The following LHFPL3 variants were observed in gnomAD, a reference collection of about 807,000 sequenced individuals.
LHFPL3 encodes LHFPL tetraspan subfamily member 3.
A neutral mutation model predicts 19.3 loss-of-function variants in LHFPL3; 5 were observed. That is an observed-to-expected ratio of 0.26 (90% CI 0.14 to 0.54). The LOEUF (loss-of-function observed/expected upper bound fraction) is 0.54, where lower values mean the gene tolerates loss of function less well. Among genes scored for constraint, LHFPL3 ranks in the 20% least tolerant of loss-of-function variants. The pLI, the probability that LHFPL3 is intolerant of heterozygous loss-of-function variation, is 0.94. For missense variants in LHFPL3, 249 were observed against 307.4 expected, an observed-to-expected ratio of 0.81 and a Z score of 1.42; for synonymous variants, 133 against 126.2, an observed-to-expected ratio of 1.05 and a Z score of -0.36.
At chr7:104,673,239 A>G (rs1047625750) in intron 1 of LHFPL3, among the ~76,000 whole-genome samples, 1 of 152,252 alleles carries the variant, frequency 6.6e-6, no homozygotes, top group Non-Finnish European at 1.5e-5. Context: ...ATACACAGGT[A>G]CAGGGTAACT....
At chr7:104,395,651 A>G (rs1418578567) in intron 1 of LHFPL3, among the ~76,000 whole-genome samples, 1 of 152,160 alleles carries the variant, frequency 6.6e-6, no homozygotes, top group Non-Finnish European at 1.5e-5. Flanking sequence ...ATTGCCTGCC[A>G]CTGAGATACT....
At chr7:104,531,546 A>C (rs1794294979) in intron 1 of LHFPL3, among the ~76,000 whole-genome samples, 1 of 152,096 alleles carries the variant, frequency 6.6e-6, no homozygotes, top group Non-Finnish European at 1.5e-5. Flanking sequence ...CTGTTCCTGG[A>C]ACCTAAGACC....
intron 1 of LHFPL3, among the ~76,000 whole-genome samples, chr7:104,512,552 A>G (rs904145407): frequency 7.9e-5 from 12 of 151,926 alleles, no homozygotes; most frequent in East Asian, 3.9e-4. Flanking sequence ...CCTGGCCAAC[A>G]TGGTGAAACC....
chr7:104,356,795 CAA>C lies in LHFPL3; in HGVS notation c.445+27572_445+27573del, dbSNP rs530580158. The stretch of plus-strand genomic sequence containing the variant: ...GCACCAACACCCAGATAATGAGAAT[CAA>C]GAGTAGAATGTGCTAAATGGCCTAA... On this transcript the variant is annotated intron_variant, in intron 1 of 2. Coordinates refer to ENST00000424859, the MANE Select transcript of LHFPL3 (RefSeq NM_199000.3). 1.3e-3 allele frequency among the ~76,000 whole-genome samples: 201 copies of C among 152,254 alleles called. 2 individuals carry two copies. The highest frequency in any genetic ancestry group is 4.6e-3 in the African/African-American group (192 of 41,544).
chr7:104,415,204 C>T (rs1385121379), intron 1 of LHFPL3, among the ~76,000 whole-genome samples: 1 of 152,136 alleles, frequency 6.6e-6, no homozygotes, highest in African/African-American at 2.4e-5. Flanking sequence ...ATAATTGAAA[C>T]ATTCAATAAC....
At position 104,896,718 on chromosome 7, in the gene LHFPL3, G is replaced by A. The variant is rs370802904; in HGVS notation, c.683-9469G>A. Among the ~76,000 whole-genome samples, 4 of 152,304 alleles carry A rather than the reference G, an allele frequency of 2.6e-5. No homozygotes were observed. The South Asian group carries it at 8.3e-4, about 32-fold the overall frequency. On this transcript the variant is annotated intron_variant, in intron 2 of 2. Transcript: ENST00000424859. ...AACCCCAGAGGAGGGGCTGGAGCAG[G>A]GAGAGGCCACAGGAGGCCTCATTAG...
At chr7:104,585,156 A>AG (rs1790541128) in intron 1 of LHFPL3, among the ~76,000 whole-genome samples, 7 of 151,198 alleles carry the variant, frequency 4.6e-5, no homozygotes, top group Admixed American at 6.6e-5. Flanking sequence ...TCCTCCTCCT[A>AG]CTGTCTGCCC....
intron 2 of LHFPL3, among the ~76,000 whole-genome samples, chr7:104,756,029 G>C (rs1332643770): frequency 2.0e-5 from 3 of 152,096 alleles, no homozygotes; most frequent in Non-Finnish European, 2.9e-5. Flanking sequence ...TGGTAACTAA[G>C]GATAAATAAG....
chr7:104,379,363 A>G (rs1490024159), intron 1 of LHFPL3, among the ~76,000 whole-genome samples: 1 of 152,182 alleles, frequency 6.6e-6, no homozygotes, highest in East Asian at 1.9e-4. Flanking sequence ...ACTAACTGCC[A>G]ACATTGGGAA....
chr7:104,410,301 T>C lies in LHFPL3; in HGVS notation c.445+81077T>C, dbSNP rs141456636. Among the ~76,000 whole-genome samples, 717 of 152,198 alleles carry C rather than the reference T, an allele frequency of 4.7e-3. 6 individuals carry two copies. The highest frequency in any genetic ancestry group is 8.2e-3 in the Non-Finnish European group (559 of 68,018). On this transcript the variant is annotated intron_variant, in intron 1 of 2. Coordinates refer to ENST00000424859, the MANE Select transcript of LHFPL3 (RefSeq NM_199000.3). ...GCGCCTGCCACCACATCCAGCTAAT[T>C]TTTGTATTTTTAGTAGAGACGGGGT...
At chr7:104,818,530 C>T (rs1790611818) in intron 2 of LHFPL3, among the ~76,000 whole-genome samples, 1 of 152,030 alleles carries the variant, frequency 6.6e-6, no homozygotes, top group Admixed American at 6.6e-5. Flanking sequence ...GTTTTAATTT[C>T]CATTATTACA....
intron 1 of LHFPL3, among the ~76,000 whole-genome samples, chr7:104,626,550 C>A (rs1791549094): frequency 1.3e-5 from 2 of 152,046 alleles, no homozygotes; most frequent in Admixed American, 6.6e-5. Flanking sequence ...TGTGAGGACA[C>A]AAAGGGATTT....
chr7:104,673,176 C>G (rs1792519363), intron 1 of LHFPL3, among the ~76,000 whole-genome samples: 1 of 152,168 alleles, frequency 6.6e-6, no homozygotes, highest in Non-Finnish European at 1.5e-5. Context: ...GAAATCCAAA[C>G]TAAATCAGAA....
chr7:104,663,174 G>A (rs1188444071), intron 1 of LHFPL3, among the ~76,000 whole-genome samples: 1 of 152,214 alleles, frequency 6.6e-6, no homozygotes, highest in African/African-American at 2.4e-5. Flanking sequence ...AGTCAAGGTT[G>A]TCTAGGGCAC....
At chr7:104,374,414 G>A (rs1790670723) in intron 1 of LHFPL3, among the ~76,000 whole-genome samples, 1 of 151,988 alleles carries the variant, frequency 6.6e-6, no homozygotes, top group Non-Finnish European at 1.5e-5. Flanking sequence ...ACTAATTTTT[G>A]TATTTTTAGT....
At chr7:104,852,397 A>G (rs995707636) in intron 2 of LHFPL3, among the ~76,000 whole-genome samples, 1 of 152,208 alleles carries the variant, frequency 6.6e-6, no homozygotes, top group South Asian at 2.1e-4. Context: ...AGGGAGGTGG[A>G]GGAGGAGGGC....
At chr7:104,568,002 G>A (rs986281683) in intron 1 of LHFPL3, among the ~76,000 whole-genome samples, 2 of 152,124 alleles carry the variant, frequency 1.3e-5, no homozygotes, top group Non-Finnish European at 2.9e-5. Context: ...CCATGCTGTA[G>A]GTTCAAAGAT....
chr7:104,786,563 G>C (rs1789919028), intron 2 of LHFPL3: 1 of 151,960 alleles, frequency 6.6e-6, no homozygotes, highest in South Asian at 2.1e-4. Context: ...TACATCTCTA[G>C]TGCCACCGGT....
chr7:104,407,147 T>C (rs560989826), intron 1 of LHFPL3, among the ~76,000 whole-genome samples: 1 of 152,216 alleles, frequency 6.6e-6, no homozygotes, highest in South Asian at 2.1e-4. Flanking sequence ...TCTTCCTTTC[T>C]TTAAGTTATT....
Sources: allele counts gnomAD v4.1 joint callset (sites outside exome capture counted in the v4.1 genomes callset), GRCh38; gene constraint gnomAD v4.1.1; transcripts MANE v1.5; gene names NCBI Gene and HGNC (gene_info 2026-07-23, HGNC 2026-07-21).